PRELID2: variants seen among roughly 807,000 people sequenced by gnomAD.
PRELID2 encodes PRELI domain-containing protein 2.
PRELID2 carries 25 observed loss-of-function variants against 28.4 expected under a neutral mutation model. That is an observed-to-expected ratio of 0.88 (90% CI 0.64 to 1.23). The LOEUF is 1.23. Among genes scored for constraint, PRELID2 ranks in the 50% most tolerant of loss-of-function variants. The pLI, the probability that PRELID2 is intolerant of heterozygous loss-of-function variation, is 0.00. For synonymous variants in PRELID2, 76 were observed against 71.6 expected (o/e 1.06, Z -0.31); for missense variants, 201 against 214.4 (o/e 0.94, Z 0.39).
At chr5:145,414,865 G>A in the PRELID2 span, among the ~76,000 whole-genome samples, 2 of 152,114 alleles carry the variant, frequency 1.3e-5, no homozygotes, top group Non-Finnish European at 2.9e-5. Flanking sequence ...TGTCCACATG[G>A]GAGGATTCTG....
intron 1 of PRELID2, among the ~76,000 whole-genome samples, chr5:145,522,796 G>A (rs1449534887): frequency 6.6e-6 from 1 of 151,720 alleles, no homozygotes; most frequent in African/African-American, 2.4e-5. Flanking sequence ...GGAAGAAGAG[G>A]AGGAGGATGA....
chr5:145,262,321 A>G, the PRELID2 span, among the ~76,000 whole-genome samples: 1 of 152,168 alleles, frequency 6.6e-6, no homozygotes, highest in Non-Finnish European at 1.5e-5. Context: ...ATCCAAATAC[A>G]AGAAGCTCAA....
At chr5:145,664,857 A>G (rs1215508685) in intron 1 of PRELID2, among the ~76,000 whole-genome samples, 1 of 152,064 alleles carries the variant, frequency 6.6e-6, no homozygotes, top group Non-Finnish European at 1.5e-5. Context: ...TGAGATCCAT[A>G]TCTCATTTCA....
the PRELID2 span, among the ~76,000 whole-genome samples, chr5:145,410,478 C>T: frequency 1.3e-5 from 2 of 152,092 alleles, no homozygotes. Context: ...TTTAAAAAAA[C>T]GTTTAATTGA....
chr5:145,537,269 G>C (rs1010626799), intron 1 of PRELID2, among the ~76,000 whole-genome samples: 3 of 151,800 alleles, frequency 2.0e-5, no homozygotes, highest in Non-Finnish European at 3.0e-5. Context: ...AATATGGGCT[G>C]TATAGACTAG....
intron 1 of PRELID2, among the ~76,000 whole-genome samples, chr5:145,737,575 G>A (rs1435593219): frequency 6.6e-6 from 1 of 152,166 alleles, no homozygotes; most frequent in African/African-American, 2.4e-5. Flanking sequence ...GAAGCTGGCA[G>A]CCTGAAAACA....
chr5:145,283,377 C>T, the PRELID2 span, among the ~76,000 whole-genome samples: 1 of 152,146 alleles, frequency 6.6e-6, no homozygotes, highest in Non-Finnish European at 1.5e-5. Context: ...AAATAAAATG[C>T]TCAAAGAAAC....
At chr5:145,355,312 T>C in the PRELID2 span, among the ~76,000 whole-genome samples, 1 of 152,282 alleles carries the variant, frequency 6.6e-6, no homozygotes, top group East Asian at 1.9e-4. Context: ...TACAGTAAGC[T>C]CATGTGTAAT....
At chr5:145,669,140 T>A (rs1561538661) in intron 1 of PRELID2, among the ~76,000 whole-genome samples, 1 of 152,114 alleles carries the variant, frequency 6.6e-6, no homozygotes, top group African/African-American at 2.4e-5. Context: ...GAATTATCGT[T>A]AAACTAATTG....
intron 1 of PRELID2, among the ~76,000 whole-genome samples, chr5:145,589,745 C>A (rs1753202993): frequency 6.6e-6 from 1 of 152,076 alleles, no homozygotes; most frequent in South Asian, 2.1e-4. Context: ...ATACTGATTT[C>A]ATGTTTAGAA....
At chr5:145,608,450 C>G (rs909896859) in intron 1 of PRELID2, among the ~76,000 whole-genome samples, 1 of 152,168 alleles carries the variant, frequency 6.6e-6, no homozygotes, top group African/African-American at 2.4e-5. Context: ...GTAATGAATT[C>G]TCTTAGCATT....
At chr5:145,415,186 C>A in the PRELID2 span, among the ~76,000 whole-genome samples, 2 of 152,156 alleles carry the variant, frequency 1.3e-5, no homozygotes, top group African/African-American at 4.8e-5. Flanking sequence ...TTACTCATAA[C>A]ACACAACTAA....
the PRELID2 span, among the ~76,000 whole-genome samples, chr5:145,391,884 T>A: frequency 6.6e-6 from 1 of 152,280 alleles, no homozygotes; most frequent in South Asian, 2.1e-4. Flanking sequence ...GCAAGACTCA[T>A]CTTTGCTCAA....
intron 1 of PRELID2, among the ~76,000 whole-genome samples, chr5:145,561,157 C>A (rs1216391351): frequency 6.6e-6 from 1 of 152,174 alleles, no homozygotes; most frequent in Non-Finnish European, 1.5e-5. Context: ...AACACACAAT[C>A]TGTATATTTT....
chr5:145,718,113 T>C (rs1170588779), intron 1 of PRELID2, among the ~76,000 whole-genome samples: 2 of 151,966 alleles, frequency 1.3e-5, no homozygotes, highest in East Asian at 3.9e-4. Context: ...AATAAAATGC[T>C]CAAATGCAAC....
the PRELID2 span, among the ~76,000 whole-genome samples, chr5:145,447,930 A>G: frequency 1.3e-5 from 2 of 151,592 alleles, no homozygotes; most frequent in Non-Finnish European, 2.9e-5. Context: ...CACAATAAAC[A>G]TACATGTGCA....
intron 4 of PRELID2, among the ~76,000 whole-genome samples, chr5:145,798,647 G>A (rs1752921004): frequency 1.3e-5 from 2 of 152,186 alleles, no homozygotes; most frequent in Non-Finnish European, 2.9e-5. Context: ...TGATAGACTG[G>A]ATTCAGAAAA....
At chr5:145,409,245 A>C in the PRELID2 span, among the ~76,000 whole-genome samples, 79 of 152,332 alleles carry the variant, frequency 5.2e-4, no homozygotes, top group African/African-American at 1.9e-3. Flanking sequence ...CAAACCTTAA[A>C]ATTCACCAAA....
intron 4 of PRELID2, among the ~76,000 whole-genome samples, chr5:145,809,235 T>C (rs1025983311): frequency 1.3e-5 from 2 of 152,094 alleles, no homozygotes; most frequent in Non-Finnish European, 2.9e-5. Flanking sequence ...AGAGACAGGG[T>C]TTCTCCATGT....
Sources: allele counts gnomAD v4.1 joint callset (sites outside exome capture counted in the v4.1 genomes callset), GRCh38; gene constraint gnomAD v4.1.1; transcripts MANE v1.5; gene names NCBI Gene and HGNC (gene_info 2026-07-23, HGNC 2026-07-21).